The following CA10 variants were observed in gnomAD, a reference collection of about 807,000 sequenced individuals.
CA10 encodes the protein carbonic anhydrase-related protein 10.
Under a neutral mutation model 44.2 loss-of-function variants are expected in CA10, and 14 were observed. That is an observed-to-expected ratio of 0.32 (90% CI 0.21 to 0.50). CA10 has a LOEUF of 0.50. Among genes scored for constraint, CA10 ranks in the 20% least tolerant of loss-of-function variants. The probability of loss-of-function intolerance (pLI) is 0.99; values close to 1 mark genes in which losing one functional copy is unlikely to be tolerated. For missense variants in CA10, 350 were observed against 409.7 expected, an observed-to-expected ratio of 0.85 and a Z score of 1.26; for synonymous variants, 159 against 141.6, an observed-to-expected ratio of 1.12 and a Z score of -0.87.
chr17:51,639,018 A>G (rs4793712), intron 6 of CA10, among the ~76,000 whole-genome samples: 71,582 of 151,828 alleles, frequency 0.47, 17,109 homozygotes, highest in Non-Finnish European at 0.48. Flanking sequence ...GTCAGCACAG[A>G]CCACACCAGA....
At chr17:51,868,081 C>T (rs550689126) in intron 3 of CA10, among the ~76,000 whole-genome samples, 1 of 150,330 alleles carries the variant, frequency 6.7e-6, no homozygotes, top group Non-Finnish European at 1.5e-5. Flanking sequence ...CACACACACA[C>T]ACACACACAC....
intron 3 of CA10, among the ~76,000 whole-genome samples, chr17:51,759,591 C>A (rs1180337681): frequency 6.6e-6 from 1 of 151,660 alleles, no homozygotes; most frequent in African/African-American, 2.4e-5. Flanking sequence ...TGTTTGGTTT[C>A]CATTTGTTGG....
intron 3 of CA10, among the ~76,000 whole-genome samples, chr17:51,857,245 T>G (rs1979088837): frequency 6.6e-6 from 1 of 152,190 alleles, no homozygotes; most frequent in Admixed American, 6.5e-5. Context: ...CTCCTAAATA[T>G]GTATTATTAT....
chr17:51,787,388 C>T (rs1197664769), intron 3 of CA10, among the ~76,000 whole-genome samples: 1 of 152,162 alleles, frequency 6.6e-6, no homozygotes, highest in Non-Finnish European at 1.5e-5. Flanking sequence ...AGGGATTTTT[C>T]CATTTCTCCT....
intron 7 of CA10, 42 bp downstream of exon 7, chr17:51,635,813 A>G (rs768584141): frequency 1.4e-6 from 2 of 1,461,028 alleles, no homozygotes; most frequent in African/African-American, 1.4e-5. Context: ...TTTTTTTAAC[A>G]TCATTCTTCT....
chr17:51,789,977 C>T (rs1015790081), intron 3 of CA10, among the ~76,000 whole-genome samples: 6 of 152,122 alleles, frequency 3.9e-5, no homozygotes, highest in African/African-American at 1.2e-4. Flanking sequence ...AGGGCCCTCC[C>T]GGGAGTCCAC....
chr17:52,150,258 C>T (rs1989675111), intron 1 of CA10, among the ~76,000 whole-genome samples: 1 of 152,176 alleles, frequency 6.6e-6, no homozygotes, highest in Non-Finnish European at 1.5e-5. Context: ...TCTATTAACG[C>T]TACTTACTCT....
chr17:51,709,561 A>T (rs1434104144), intron 4 of CA10, among the ~76,000 whole-genome samples: 2 of 152,308 alleles, frequency 1.3e-5, no homozygotes, highest in Non-Finnish European at 2.9e-5. Context: ...CAGAGGTGGA[A>T]ATTTAATTGA....
intron 6 of CA10, among the ~76,000 whole-genome samples, chr17:51,646,851 CCTGCAGTG>C (rs1400582394): frequency 2.6e-5 from 4 of 152,192 alleles, no homozygotes; most frequent in African/African-American, 7.2e-5. Flanking sequence ...CATCATTATT[CCTGCAGTG>C]CTGCTCCCTT....
intron 3 of CA10, among the ~76,000 whole-genome samples, chr17:51,920,668 G>T (rs1982194654): frequency 6.6e-6 from 1 of 152,164 alleles, no homozygotes; most frequent in African/African-American, 2.4e-5. Flanking sequence ...TGCCAAGACA[G>T]TGAGCGGCAA....
intron 2 of CA10, among the ~76,000 whole-genome samples, chr17:52,017,190 G>C (rs1423857271): frequency 1.3e-5 from 2 of 152,130 alleles, no homozygotes; most frequent in Non-Finnish European, 2.9e-5. Flanking sequence ...CTGTGGTATG[G>C]AGCACTGCTA....
chr17:51,676,927 G>A (rs918922964), intron 4 of CA10, among the ~76,000 whole-genome samples: 5 of 152,144 alleles, frequency 3.3e-5, no homozygotes, highest in Non-Finnish European at 7.3e-5. Context: ...CTACCACAGA[G>A]TCCATGGCCA....
At chr17:51,825,114 G>T (rs1907957703) in intron 3 of CA10, among the ~76,000 whole-genome samples, 1 of 152,334 alleles carries the variant, frequency 6.6e-6, no homozygotes, top group African/African-American at 2.4e-5. Flanking sequence ...GAACAAAAAT[G>T]GAAATCATTA....
intron 3 of CA10, among the ~76,000 whole-genome samples, chr17:51,784,460 T>C (rs1418017418): frequency 2.0e-5 from 3 of 152,206 alleles, no homozygotes; most frequent in Non-Finnish European, 2.9e-5. Context: ...CACTAGGACT[T>C]ATTCTGTCTG....
chr17:51,787,488 CTTTTTTTTCCTTTTTTT>C (rs1567839503), intron 3 of CA10, among the ~76,000 whole-genome samples: 2 of 150,252 alleles, frequency 1.3e-5, no homozygotes, highest in African/African-American at 4.9e-5. Context: ...TTCTATTTTT[CTTTTTTTTCCTTTTTTT>C]TTTTGAGACA....
chr17:51,735,408 G>A lies in CA10; in HGVS notation c.465+12225C>T, dbSNP rs143384910. On this transcript the variant is annotated intron_variant, in intron 4 of 8. Transcript: ENST00000451037. ...GGGGCAGGGAGAGAGGGAAGCAAGCGTTGAAGAACTGACTGATGGGTACTA... is the reference window on the plus strand; with the variant it reads ...GGGGCAGGGAGAGAGGGAAGCAAGCATTGAAGAACTGACTGATGGGTACTA... Among the ~76,000 whole-genome samples the A allele has an allele frequency of 1.9e-3, 286 of 152,218 alleles. 1 individual carries two copies. The highest frequency in any genetic ancestry group is 6.4e-3 in the African/African-American group (266 of 41,542).
intron 6 of CA10, among the ~76,000 whole-genome samples, chr17:51,636,545 G>A (rs1456129052): frequency 3.9e-5 from 6 of 152,124 alleles, no homozygotes; most frequent in South Asian, 2.1e-4. Context: ...TAAGCAATGC[G>A]TTCTACCACA....
At chr17:51,985,313 C>A (rs1984794028) in intron 2 of CA10, among the ~76,000 whole-genome samples, 1 of 151,958 alleles carries the variant, frequency 6.6e-6, no homozygotes, top group Admixed American at 6.6e-5. Context: ...CAAAATCCAG[C>A]ACTCCATTAT....
chr17:52,107,953 T>A (rs1444998853), intron 1 of CA10, among the ~76,000 whole-genome samples: 1 of 152,014 alleles, frequency 6.6e-6, no homozygotes, highest in Non-Finnish European at 1.5e-5. Context: ...CATACAACAA[T>A]GTAAAATTGA....
Sources: gnomAD v4.1 joint callset for allele counts (sites outside exome capture counted in the v4.1 genomes callset) on GRCh38, gnomAD v4.1.1 for gene constraint, MANE v1.5 for transcripts, NCBI Gene and HGNC (gene_info 2026-07-23, HGNC 2026-07-21) for gene names.